DNAH7: variants seen among roughly 807,000 people sequenced by gnomAD.
DNAH7 encodes the protein axonemal beta dynein heavy chain 7.
In DNAH7, 397 loss-of-function variants were observed where a neutral mutation model predicts 444.6. The observed-to-expected ratio is 0.89, with a 90% CI of 0.82 to 0.97. The LOEUF (loss-of-function observed/expected upper bound fraction) is 0.97. Ranked by LOEUF, DNAH7 falls within the 50% of genes least tolerant of loss-of-function variation. The probability of loss-of-function intolerance (pLI) is 0.00; values close to 1 mark genes in which losing one functional copy is unlikely to be tolerated. For synonymous variants in DNAH7, 1,636 were observed against 1,624.4 expected, an observed-to-expected ratio of 1.01 and a Z score of -0.17; for missense variants, 4,902 against 4,800.8, an observed-to-expected ratio of 1.02 and a Z score of -0.62.
intron 48 of DNAH7, among the ~76,000 whole-genome samples, chr2:195,830,121 C>G (rs1697990230): frequency 6.6e-6 from 1 of 152,076 alleles, no homozygotes. Context: ...AAGAGACAGA[C>G]TTCTCTTCAT....
rs191667850 is a variant in DNAH7 at position 196,019,307 on chromosome 2, G to C, written c.744-12C>G. Reference sequence around the variant, plus strand: ...GCAGAATTTCCATTCTGAAAACAAAGAAAATATTTAGTTACAGTCTCAAAA... The same window carrying C: ...GCAGAATTTCCATTCTGAAAACAAACAAAATATTTAGTTACAGTCTCAAAA... On this transcript the variant is annotated splice_polypyrimidine_tract_variant and intron_variant, in intron 8 of 64. Transcript: ENST00000312428. 376 of 1,452,784 alleles carry C rather than the reference G, an allele frequency of 2.6e-4. 1 individual carries two copies. The African/African-American group carries it at 4.9e-3, about 19-fold the overall frequency. 90.0% of individuals were successfully genotyped at this position (1,452,784 alleles called of 1,614,324 possible).
intron 10 of DNAH7, among the ~76,000 whole-genome samples, chr2:196,009,290 C>T (rs1013885651): frequency 9.9e-5 from 15 of 151,832 alleles, no homozygotes; most frequent in Non-Finnish European, 1.3e-4. Context: ...CACAACCTTG[C>T]GAGTATATTA....
At position 195,984,706 on chromosome 2, in the gene DNAH7, A is replaced by G; in HGVS notation, c.1759T>C (p.Cys587Arg). The G allele has an allele frequency of 6.2e-7, 1 of 1,613,860 alleles. No homozygotes were observed. Among genetic ancestry groups the G allele is most frequent in the Non-Finnish European group, 8.5e-7 (1 of 1,179,856 alleles). The change falls in exon 15 of 65, where the codon TGC becomes CGC. Residue 587 changes from cysteine to arginine, a missense_variant. Coordinates refer to ENST00000312428, the MANE Select transcript of DNAH7 (RefSeq NM_018897.3). ...TCAGCTATCCTCTCAAATTCATCGCATAATCTGAAACACCAAGTAAAACCA... is the reference window on the plus strand; with the variant it reads ...TCAGCTATCCTCTCAAATTCATCGCGTAATCTGAAACACCAAGTAAAACCA... ...RDHQEVNTRL[C>R]DEFERIAEKA...
At position 195,970,189 on chromosome 2, in the gene DNAH7, A is replaced by C. The variant is rs190110002; in HGVS notation, c.2059-95T>G. 17 of 1,187,384 alleles carry C rather than the reference A, an allele frequency of 1.4e-5. No homozygotes were observed. The South Asian group carries it at 2.9e-4, about 20-fold the overall frequency. 73.6% of individuals were successfully genotyped at this position (1,187,384 alleles called of 1,614,324 possible). A position where few individuals can be genotyped will look rare whatever the true frequency, so the allele number is the denominator to read the frequency against. On this transcript the variant is annotated intron_variant, in intron 16 of 64. Transcript: ENST00000312428. ...TGTAGGAGTTATCAGAATTATTATT[A>C]TATTTTGTCACTGGTAAAACATAAA...
chr2:195,770,612 C>T (rs1694789425), intron 61 of DNAH7, among the ~76,000 whole-genome samples: 1 of 152,150 alleles, frequency 6.6e-6, no homozygotes, highest in Non-Finnish European at 1.5e-5. Context: ...AAGAGTCATT[C>T]CTCAGAGGGA....
At chr2:195,786,567 AGAT>A (rs1310037998) in intron 58 of DNAH7, among the ~76,000 whole-genome samples, 1 of 145,990 alleles carries the variant, frequency 6.8e-6, no homozygotes, top group Non-Finnish European at 1.5e-5. Context: ...TGGCTTAAAT[AGAT>A]TTTTTTTTTT....
chr2:196,050,266 C>T (rs751492194), intron 3 of DNAH7, among the ~76,000 whole-genome samples: 4 of 151,796 alleles, frequency 2.6e-5, no homozygotes, highest in Non-Finnish European at 5.9e-5. Context: ...TGTATGATTC[C>T]ACCAATATGA....
chr2:196,009,564 G>GT (rs1559331113), intron 10 of DNAH7, among the ~76,000 whole-genome samples: 1 of 152,072 alleles, frequency 6.6e-6, no homozygotes, highest in African/African-American at 2.4e-5. Flanking sequence ...AGGTGCTGAC[G>GT]TGACATTCAA....
At chr2:195,900,586 G>T in intron 27 of DNAH7, 92 bp from the exon 28 acceptor site, 1 of 1,223,098 alleles carries the variant, frequency 8.2e-7, no homozygotes, top group Non-Finnish European at 1.2e-6. Context: ...ACTAATATGT[G>T]GAGGCTAAAA....
intron 3 of DNAH7, 130 bp downstream of exon 3, chr2:196,051,057 C>T (rs1393150266): frequency 2.6e-6 from 2 of 783,208 alleles, no homozygotes; most frequent in Non-Finnish European, 4.4e-6. Flanking sequence ...AATATGCACA[C>T]CTCATAGAAT....
intron 12 of DNAH7, among the ~76,000 whole-genome samples, chr2:195,992,274 C>A (rs924690475): frequency 6.6e-6 from 1 of 152,246 alleles, no homozygotes; most frequent in African/African-American, 2.4e-5. Flanking sequence ...AATGCTTCCT[C>A]TCGGACCACA....
chr2:195,924,010 T>C (rs1259252017), intron 22 of DNAH7, among the ~76,000 whole-genome samples: 2 of 152,182 alleles, frequency 1.3e-5, no homozygotes, highest in Admixed American at 6.5e-5. Flanking sequence ...AATGGATATA[T>C]GTAATTTGTG....
chr2:195,910,984 G>T (rs754940745), intron 24 of DNAH7, among the ~76,000 whole-genome samples: 3 of 151,940 alleles, frequency 2.0e-5, no homozygotes, highest in African/African-American at 7.2e-5. Context: ...AAAAACTCTA[G>T]AGTCTTCCTC....
rs374176039 is a variant in DNAH7, at chr2:196,048,663, C to T, written c.142-259G>A. On this transcript the variant is annotated intron_variant, in intron 3 of 64. Transcript: ENST00000312428. ...AACCAGGGTCTTCATTCTAGAGAGG[C>T]TACTCCTCATCCCCAGATATTGTCA... Among the ~76,000 whole-genome samples the T allele has an allele frequency of 1.1e-4, 16 of 152,290 alleles. No homozygotes were observed. The South Asian group carries it at 2.7e-3, about 26-fold the overall frequency.
At chr2:195,916,106 T>G (rs1380948216) in intron 24 of DNAH7, among the ~76,000 whole-genome samples, 1 of 152,076 alleles carries the variant, frequency 6.6e-6, no homozygotes, top group Non-Finnish European at 1.5e-5. Flanking sequence ...GTGAAACAAC[T>G]GGAAAAAGTG....
At chr2:196,010,253 G>C (rs1238932104) in intron 10 of DNAH7, among the ~76,000 whole-genome samples, 1 of 151,502 alleles carries the variant, frequency 6.6e-6, no homozygotes, top group African/African-American at 2.4e-5. Flanking sequence ...AGGTTCAAGC[G>C]ATTCTTCCAC....
intron 61 of DNAH7, among the ~76,000 whole-genome samples, chr2:195,767,438 C>T (rs918409735): frequency 9.2e-5 from 14 of 152,030 alleles, no homozygotes; most frequent in African/African-American, 2.9e-4. Context: ...CCAGTTAGCT[C>T]AATTTGTAAA....
chr2:195,951,088 G>T lies in DNAH7; in HGVS notation c.3078+6173C>A, dbSNP rs1559263275. Among the ~76,000 whole-genome samples the T allele has an allele frequency of 2.0e-5, 3 of 152,176 alleles. No homozygotes were observed. In the East Asian group the frequency reaches 5.8e-4, roughly 30 times the overall value. ...TCCTGTGAGCATTTAGTGCTATAAA[G>T]TTCCCTCTAAACACTGCTTTACCTG... is the stretch of plus-strand genomic sequence containing the variant. On this transcript the variant is annotated intron_variant, in intron 19 of 64. Transcript: ENST00000312428.
At chr2:195,839,178 A>T (rs907994491) in intron 47 of DNAH7, among the ~76,000 whole-genome samples, 1 of 151,904 alleles carries the variant, frequency 6.6e-6, no homozygotes, top group Non-Finnish European at 1.5e-5. Flanking sequence ...ATAGTCTGAA[A>T]ATAACAAATA....
Sources: gnomAD v4.1 joint callset for allele counts (sites outside exome capture counted in the v4.1 genomes callset) on GRCh38, gnomAD v4.1.1 for gene constraint, MANE v1.5 for transcripts, NCBI Gene and HGNC (gene_info 2026-07-23, HGNC 2026-07-21) for gene names.